Variants in TMUB2 observed in about 807,000 individuals in gnomAD.
TMUB2 encodes transmembrane and ubiquitin-like domain-containing protein 2.
Under a neutral mutation model 20.2 loss-of-function variants are expected in TMUB2, and 19 were observed. The observed-to-expected ratio is 0.94, with a 90% CI of 0.66 to 1.38. The LOEUF (loss-of-function observed/expected upper bound fraction) is 1.38, where lower values mean the gene tolerates loss of function less well. Ranked by LOEUF, TMUB2 falls within the 40% of genes most tolerant of loss-of-function variation. The pLI is 0.00. For synonymous variants in TMUB2, 186 were observed against 166.0 expected (o/e 1.12, Z -0.92); for missense variants, 426 against 402.5 (o/e 1.06, Z -0.50).
chr17:44,191,207 A>T lies in TMUB2; in HGVS notation c.*343A>T. On this transcript the variant is annotated 3_prime_UTR_variant, in exon 4 of 4. Transcript: ENST00000538716. The stretch of plus-strand genomic sequence containing the variant: ...GTTCTGACTCTTCCCAGTGTCCTGC[A>T]TGTCTGCCCCCAGCACCCAGGGCTG... 1 of 1,067,422 alleles carries T rather than the reference A, an allele frequency of 9.4e-7. No homozygotes were observed. Among genetic ancestry groups the T allele is most frequent in the Non-Finnish European group, 1.1e-6 (1 of 880,260 alleles). 66.1% of individuals were successfully genotyped at this position (1,067,422 alleles called of 1,614,324 possible).
At position 44,189,419 on chromosome 17, in the gene TMUB2, A is replaced by G. The variant is rs1454695163; in HGVS notation, c.433A>G (p.Lys145Glu). 8 of 1,614,090 alleles carry G rather than the reference A, an allele frequency of 5.0e-6. No homozygotes were observed. The highest frequency in any genetic ancestry group is 1.6e-4 in the Middle Eastern group (1 of 6,062). The change falls in exon 3 of 4, where the codon AAA (lysine) becomes GAA (glutamate). Residue 145 changes from lysine to glutamate, a missense_variant. Physicochemically the swap from Lys to Glu is moderately conservative, Grantham distance 56. Transcript: ENST00000538716. ...EHLLDIQGLPKRQAGAGSSSP... is the reference protein window; with the variant it reads ...EHLLDIQGLPERQAGAGSSSP... ...TCTCCTTGACATCCAAGGCCTGCCC[A>G]AAAGACAAGCAGGTGCAGGCAGCAG...
intron 2 of TMUB2, 184 bp from the exon 3 acceptor site, chr17:44,188,833 CAAAGG>C: frequency 2.1e-6 from 2 of 951,256 alleles, no homozygotes; most frequent in Non-Finnish European, 2.9e-6. Flanking sequence ...ACAATAGAGG[CAAAGG>C]GTAGGGTAGG....
At chr17:44,188,917 CTTTTT>C (rs370100314) in intron 2 of TMUB2, 100 bp from the exon 3 acceptor site, 1 of 1,293,358 alleles carries the variant, frequency 7.7e-7, no homozygotes. Flanking sequence ...CACTGAACTC[CTTTTT>C]TTTTTTTTTC....
At position 44,189,002 on chromosome 17, in the gene TMUB2, G is replaced by A. The variant is rs1197880050; in HGVS notation, c.36-20G>A. 1 of 1,600,338 alleles carries A rather than the reference G, an allele frequency of 6.2e-7. No homozygotes were observed. The highest frequency in any genetic ancestry group is 8.5e-7 in the Non-Finnish European group (1 of 1,172,882). On this transcript the variant is annotated intron_variant, in intron 2 of 3. Coordinates refer to ENST00000538716, the MANE Select transcript of TMUB2 (RefSeq NM_001076674.3). ...CAACCCCTCAGGCTCTGCTGATGCT[G>A]TCCCCCTTTGTTCCTGCAGCGTGGA...
chr17:44,190,211 C>T (rs972678413), intron 3 of TMUB2: 27 of 266,454 alleles, frequency 1.0e-4, no homozygotes, highest in African/African-American at 5.6e-4. Flanking sequence ...ATTAGCTGGG[C>T]ATGGTGGCGC....
At position 44,190,481 on chromosome 17, in the gene TMUB2, C is replaced by A; in HGVS notation, c.603-20C>A. On this transcript the variant is annotated intron_variant, in intron 3 of 3. Coordinates refer to ENST00000538716, the MANE Select transcript of TMUB2 (RefSeq NM_001076674.3). ...ATTCCTCACCCTCTATCTTTTCTTC[C>A]ATGTCTTTCATCCTTACAGCAAATA... 1 of 1,568,518 alleles carries A rather than the reference C, an allele frequency of 6.4e-7. No individual in the cohort carries two copies. The highest frequency in any genetic ancestry group is 8.7e-7 in the Non-Finnish European group (1 of 1,154,068).
At position 44,191,010 on chromosome 17, in the gene TMUB2, T is replaced by C. The variant is rs2144405910; in HGVS notation, c.*146T>C. 5 of 1,472,150 alleles carry C rather than the reference T, an allele frequency of 3.4e-6. No homozygotes were observed. The highest frequency in any genetic ancestry group is 3.6e-6 in the Non-Finnish European group (4 of 1,119,308). The allele number at this position is 1,472,150 out of a possible 1,614,324, so 91.2% of individuals were successfully genotyped here. A position where few individuals can be genotyped will look rare whatever the true frequency, so the allele number is the denominator to read the frequency against. On this transcript the variant is annotated 3_prime_UTR_variant, in exon 4 of 4. Transcript: ENST00000538716. ...CTCCATAGGACACAGGAGGCAAGTATGCGGCCTCCCCTTCTCATCCACAGG... is the reference window on the plus strand; with the variant it reads ...CTCCATAGGACACAGGAGGCAAGTACGCGGCCTCCCCTTCTCATCCACAGG...
intron 2 of TMUB2, 74 bp downstream of exon 2, chr17:44,187,817 G>A: frequency 1.4e-6 from 1 of 714,774 alleles, no homozygotes. Flanking sequence ...AGGTGTTATA[G>A]CTAGTAAGAC....
In TMUB2 at chr17:44,189,348, C is replaced by T; in HGVS notation, c.362C>T (p.Thr121Ile). The T allele has an allele frequency of 6.2e-7, 1 of 1,601,426 alleles. No homozygotes were observed. The highest frequency in any genetic ancestry group is 8.5e-7 in the Non-Finnish European group (1 of 1,173,358). The change falls in exon 3 of 4, where the codon ACT becomes ATT. Residue 121 changes from threonine (T) to isoleucine (I), a missense_variant. Thr to Ile is a moderately conservative substitution (Grantham distance 89). Transcript: ENST00000538716. ...GCGGGTGAAGGTCGGGGAGACTCCA[C>T]TGGGGAGGCTGGAGCTGGGGGTGGT... Reference protein sequence around the residue: ...EEAGEGRGDSTGEAGAGGGVE... With the variant: ...EEAGEGRGDSIGEAGAGGGVE...
chr17:44,187,465 G>C (rs1161364805), intron 1 of TMUB2: 1 of 572,260 alleles, frequency 1.7e-6, no homozygotes, highest in Non-Finnish European at 3.1e-6. Flanking sequence ...CTGAGGGACA[G>C]AGCAAAGACC....
intron 1 of TMUB2, 30 bp from the exon 2 acceptor site, chr17:44,187,646 C>G (rs768104899): frequency 2.5e-5 from 18 of 716,710 alleles, no homozygotes; most frequent in Admixed American, 6.0e-5. Flanking sequence ...TAAATAATTA[C>G]TACCGTTATT....
chr17:44,191,272 T>C lies in TMUB2; in HGVS notation c.*408T>C, dbSNP rs1567765430. On this transcript the variant is annotated 3_prime_UTR_variant, in exon 4 of 4. Coordinates refer to ENST00000538716, the MANE Select transcript of TMUB2 (RefSeq NM_001076674.3). ...TCAGCATGGCCCCAGCACAACTCCG[T>C]AGGGAGCCTGGAGTATCCTTCCATT... 9.9e-7 allele frequency: 1 copy of C among 1,006,364 alleles called. No homozygotes were observed. 62.3% of individuals were successfully genotyped at this position (1,006,364 alleles called of 1,614,324 possible). A position where few individuals can be genotyped will look rare whatever the true frequency, so the allele number is the denominator to read the frequency against.
chr17:44,191,097 C>A lies in TMUB2; in HGVS notation c.*233C>A. Reference sequence around the variant, plus strand: ...TAGAAATGAGGATGTCATCTTCCTTCACTTTTAGGGTCCTCTGAAGGAGTT... The same window carrying A: ...TAGAAATGAGGATGTCATCTTCCTTAACTTTTAGGGTCCTCTGAAGGAGTT... On this transcript the variant is annotated 3_prime_UTR_variant, in exon 4 of 4. Coordinates refer to ENST00000538716, the MANE Select transcript of TMUB2 (RefSeq NM_001076674.3). 1 of 1,301,982 alleles carries A rather than the reference C, an allele frequency of 7.7e-7. No homozygotes were observed. 80.7% of individuals were successfully genotyped at this position (1,301,982 alleles called of 1,614,324 possible).
chr17:44,187,744 G>A lies in TMUB2; in HGVS notation c.35+1G>A. 1 of 718,598 alleles carries A rather than the reference G, an allele frequency of 1.4e-6. No homozygotes were observed. The highest frequency in any genetic ancestry group is 2.6e-6 in the Non-Finnish European group (1 of 385,082). The allele number at this position is 718,598 out of a possible 1,614,324, so 44.5% of individuals were successfully genotyped here. The stretch of plus-strand genomic sequence containing the variant: ...GTCATCTTCAAAACAACCTCATGAG[G>A]TAGGTACTGTTTTTAACCCCATTTT... On this transcript the variant is annotated splice_donor_variant, in intron 2 of 3. Transcript: ENST00000538716. LOFTEE classifies it high-confidence loss of function.
In TMUB2 at chr17:44,190,731, TTGTGGTGCTGTTGGG is replaced by T; in HGVS notation, c.840_854del (p.Leu281_Val285del). ...GTGGGCAGCCTCATGGTGCCTGTCT[TTGTGGTGCTGTTGGG>T]TGTGGTCTGGTACTTCCGAATCAAT... On this transcript the variant is annotated inframe_deletion, in exon 4 of 4. Transcript: ENST00000538716. 1 of 1,614,214 alleles carries T rather than the reference TTGTGGTGCTGTTGGG, an allele frequency of 6.2e-7. No individual in the cohort carries two copies. Among genetic ancestry groups the T allele is most frequent in the Non-Finnish European group, 8.5e-7 (1 of 1,180,026 alleles).
At chr17:44,190,117 C>CAG (rs1555569037) in intron 3 of TMUB2, 14 of 179,298 alleles carry the variant, frequency 7.8e-5, no homozygotes, top group African/African-American at 3.3e-4. Flanking sequence ...GAGGCCAAGG[C>CAG]GGGCAGATCA....
chr17:44,189,600 G>A lies in TMUB2; in HGVS notation c.602+12G>A. 1 of 1,547,828 alleles carries A rather than the reference G, an allele frequency of 6.5e-7. No individual in the cohort carries two copies. Among genetic ancestry groups the A allele is most frequent in the Non-Finnish European group, 8.7e-7 (1 of 1,148,338 alleles). On this transcript the variant is annotated intron_variant, in intron 3 of 3. Transcript: ENST00000538716. Reference sequence around the variant, plus strand: ...GGTGCCCTGAAGAGGTGAGTGGCCTGGGAAGTGGGAAGCTGCTTGTGCTCA... The same window carrying A: ...GGTGCCCTGAAGAGGTGAGTGGCCTAGGAAGTGGGAAGCTGCTTGTGCTCA...
Position 44,189,483 on chromosome 17 carries a change from GCCTC to G in TMUB2, c.504_507del (p.Pro169AlafsTer30), listed in dbSNP as rs2055038731. 6.2e-7 allele frequency: 1 copy of G among 1,614,086 alleles called. No homozygotes were observed. On this transcript the variant is annotated frameshift_variant, in exon 3 of 4. Transcript: ENST00000538716. LOFTEE classifies it high-confidence loss of function. ...CCCCTGAGATCTGAGGATAGCACCT[GCCTC>G]CCTCCCAGCCCTGGCCTCATCACTG...
At chr17:44,188,845 T>G in intron 2 of TMUB2, 177 bp from the exon 3 acceptor site, 1 of 1,083,796 alleles carries the variant, frequency 9.2e-7, no homozygotes, top group Non-Finnish European at 1.3e-6. Context: ...AAGGGTAGGG[T>G]AGGTCTTTAG....
Sources: allele counts gnomAD v4.1 joint callset, GRCh38; gene constraint gnomAD v4.1.1; transcripts MANE v1.5; gene names NCBI Gene and HGNC (gene_info 2026-07-23, HGNC 2026-07-21).